The following RGS9 variants were observed in gnomAD, a reference collection of about 807,000 sequenced individuals.
RGS9 encodes the protein regulator of G-protein signalling 9.
Under a neutral mutation model 102.0 loss-of-function variants are expected in RGS9, and 78 were observed. That is an observed-to-expected ratio of 0.76 (90% CI 0.64 to 0.92). RGS9 has a LOEUF of 0.92. RGS9 is among the 40% of genes least tolerant of loss of function. RGS9 has a pLI of 0.00. For synonymous variants in RGS9, 353 were observed against 318.6 expected, an observed-to-expected ratio of 1.11 and a Z score of -1.15; for missense variants, 833 against 866.1, an observed-to-expected ratio of 0.96 and a Z score of 0.48.
chr17:65,210,350 TG>T, intron 16 of RGS9, 137 bp from the exon 17 acceptor site: 1 of 1,079,710 alleles, frequency 9.3e-7, no homozygotes, highest in Non-Finnish European at 1.4e-6. Flanking sequence ...TGGACCCCAC[TG>T]GAGGTTCACT....
At position 65,226,561 on chromosome 17, in the gene RGS9, G is replaced by T. The variant is rs8077956; in HGVS notation, c.1893-714G>T. On this transcript the variant is annotated intron_variant, in intron 18 of 18. Coordinates refer to ENST00000262406, the MANE Select transcript of RGS9 (RefSeq NM_003835.4). ...ATACATGGGCTTGGGACTTTAAAAGGCTCTCTTCTCAAGGGCCACTACTTC... is the reference window on the plus strand; with the variant it reads ...ATACATGGGCTTGGGACTTTAAAAGTCTCTCTTCTCAAGGGCCACTACTTC... Among the ~76,000 whole-genome samples the T allele has an allele frequency of 4.6e-5, 7 of 151,744 alleles. 1 individual carries two copies. Among genetic ancestry groups the T allele is most frequent in the Non-Finnish European group, 2.9e-5 (2 of 67,964 alleles).
intron 8 of RGS9, among the ~76,000 whole-genome samples, chr17:65,175,425 C>A (rs1432079797): frequency 6.6e-6 from 1 of 152,172 alleles, no homozygotes; most frequent in East Asian, 1.9e-4. Context: ...TGAGCCCCTG[C>A]CATGTGAGGT....
intron 15 of RGS9, among the ~76,000 whole-genome samples, chr17:65,205,579 T>G (rs1190090160): frequency 2.0e-5 from 3 of 151,996 alleles, no homozygotes; most frequent in Non-Finnish European, 4.4e-5. Context: ...TATGAGATTA[T>G]ATGACATAGG....
At chr17:65,151,727 T>C (rs1322041554) in intron 1 of RGS9, among the ~76,000 whole-genome samples, 1 of 152,272 alleles carries the variant, frequency 6.6e-6, no homozygotes, top group Non-Finnish European at 1.5e-5. Context: ...TCTGGTCTTA[T>C]AAGTTATAAA....
intron 1 of RGS9, among the ~76,000 whole-genome samples, chr17:65,149,934 C>T (rs910877694): frequency 2.6e-5 from 4 of 152,182 alleles, no homozygotes; most frequent in Admixed American, 6.6e-5. Flanking sequence ...TGCAAGCAAG[C>T]ACCTTCAGAT....
chr17:65,205,458 A>G (rs1347239607), intron 15 of RGS9, among the ~76,000 whole-genome samples: 3 of 152,038 alleles, frequency 2.0e-5, no homozygotes, highest in Admixed American at 1.3e-4. Context: ...GATAGATTAT[A>G]TGACATAGGT....
intron 9 of RGS9, among the ~76,000 whole-genome samples, chr17:65,179,115 A>C (rs1911754711): frequency 6.6e-6 from 1 of 152,106 alleles, no homozygotes; most frequent in Non-Finnish European, 1.5e-5. Context: ...CCTAGGGTGC[A>C]TCTATAGGGC....
chr17:65,167,777 T>C (rs187478154), intron 7 of RGS9, among the ~76,000 whole-genome samples: 13 of 151,706 alleles, frequency 8.6e-5, no homozygotes, highest in Non-Finnish European at 1.6e-4. Flanking sequence ...GTTGGTGGAG[T>C]TGGTTTGATT....
At chr17:65,197,454 GA>G (rs1347129050) in intron 13 of RGS9, among the ~76,000 whole-genome samples, 4 of 152,060 alleles carry the variant, frequency 2.6e-5, no homozygotes, top group Non-Finnish European at 4.4e-5. Context: ...CCGTCTGGGG[GA>G]AAATTGCACC....
chr17:65,157,021 C>T (rs775661855), intron 2 of RGS9, among the ~76,000 whole-genome samples: 56 of 152,104 alleles, frequency 3.7e-4, no homozygotes, highest in Non-Finnish European at 7.4e-4. Flanking sequence ...CAGCCATGGT[C>T]GTAGGCAGGC....
Position 65,225,470 on chromosome 17 carries a change from T to G in RGS9, c.1876T>G (p.Ser626Ala). ...DVGQQLPRLK[S>A]KRVANFFQIK... ...GGGCCAGCAGCTGCCACGATTGAAA[T>G]CCAAGAGAGTAGCAAAGTAAGAACC... Residue 626 changes from serine to alanine, a missense_variant, in exon 18 of 19, where the codon TCC becomes GCC. Ser to Ala is a moderately conservative substitution (Grantham distance 99). Around this residue, in one of 3 missense-constraint regions of RGS9, gnomAD observed 320 missense variants for 276.8 expected, o/e 1.16. Coordinates refer to ENST00000262406, the MANE Select transcript of RGS9 (RefSeq NM_003835.4). 2 of 1,603,346 alleles carry G rather than the reference T, an allele frequency of 1.2e-6. No individual in the cohort carries two copies. Among genetic ancestry groups the G allele is most frequent in the Non-Finnish European group, 1.7e-6 (2 of 1,179,974 alleles).
intron 8 of RGS9, 96 bp downstream of exon 8, chr17:65,168,377 G>A: frequency 3.6e-6 from 3 of 843,692 alleles, no homozygotes; most frequent in Non-Finnish European, 5.9e-6. Flanking sequence ...TCTTTCTCTA[G>A]GGCGAGAATT....
At chr17:65,209,422 T>G (rs1012200065) in intron 16 of RGS9, among the ~76,000 whole-genome samples, 1 of 152,206 alleles carries the variant, frequency 6.6e-6, no homozygotes, top group Non-Finnish European at 1.5e-5. Context: ...AAGGGGCTTA[T>G]GTAGTCCAGA....
chr17:65,225,651 G>A lies in RGS9; in HGVS notation c.1892+165G>A, dbSNP rs2144136669. 3.2e-6 allele frequency: 3 copies of A among 941,988 alleles called. No individual in the cohort carries two copies. The East Asian group carries it at 7.9e-5, about 25-fold the overall frequency. 58.4% of individuals were successfully genotyped at this position (941,988 alleles called of 1,614,324 possible). On this transcript the variant is annotated intron_variant, in intron 18 of 18. Coordinates refer to ENST00000262406, the MANE Select transcript of RGS9 (RefSeq NM_003835.4). ...CCACTGGAAGATATTCAGAAACTCA[G>A]TTTTGTCCTCTGCTGTCCTCCCGAG...
chr17:65,214,105 G>A (rs184061480), intron 17 of RGS9, among the ~76,000 whole-genome samples: 376 of 152,244 alleles, frequency 2.5e-3, no homozygotes, highest in Non-Finnish European at 4.0e-3. Context: ...GGGACTATAG[G>A]TGTGCGCCAC....
At chr17:65,219,589 G>A (rs1913629151) in intron 17 of RGS9, among the ~76,000 whole-genome samples, 1 of 152,130 alleles carries the variant, frequency 6.6e-6, no homozygotes, top group Non-Finnish European at 1.5e-5. Context: ...CTTGTGCTAG[G>A]ATATAAGTTA....
rs771603377 is a variant in RGS9 at position 65,227,312 on chromosome 17, G to A, written c.1930G>A (p.Gly644Arg). ...QIKMDVPTGS[G>R]TCLMDSEDAG... Reference sequence around the variant, plus strand: ...CAAAATGGATGTGCCCACGGGGAGCGGGACCTGCTTGATGGACTCGGAGGA... The same window carrying A: ...CAAAATGGATGTGCCCACGGGGAGCAGGACCTGCTTGATGGACTCGGAGGA... Residue 644 changes from glycine to arginine, a missense_variant, in exon 19 of 19, where the codon GGG (glycine) becomes AGG (arginine). Physicochemically the swap from Gly to Arg is moderately radical, Grantham distance 125. Transcript: ENST00000262406. 4 of 1,614,118 alleles carry A rather than the reference G, an allele frequency of 2.5e-6. No homozygotes were observed. The highest frequency in any genetic ancestry group is 1.7e-5 in the Admixed American group (1 of 60,010).
intron 1 of RGS9, among the ~76,000 whole-genome samples, chr17:65,142,147 G>A (rs1375230655): frequency 3.3e-5 from 5 of 152,216 alleles, no homozygotes; most frequent in African/African-American, 1.2e-4. Context: ...GGGAGGCTGA[G>A]GCAGGAGAAT....
At chr17:65,200,867 T>A (rs771992445) in intron 13 of RGS9, among the ~76,000 whole-genome samples, 1 of 152,238 alleles carries the variant, frequency 6.6e-6, no homozygotes, top group Admixed American at 6.5e-5. Flanking sequence ...AAAGGTATCA[T>A]GAATCCATAA....
Sources: allele counts gnomAD v4.1 joint callset (sites outside exome capture counted in the v4.1 genomes callset), GRCh38; gene constraint gnomAD v4.1.1; regional missense constraint gnomAD v4.1.1; transcripts MANE v1.5; gene names NCBI Gene and HGNC (gene_info 2026-07-23, HGNC 2026-07-21).